Variants in BCR observed in about 807,000 individuals in gnomAD.
The protein encoded by BCR is BCR activator of RhoGEF and GTPase.
In BCR, 58 loss-of-function variants were observed where a neutral mutation model predicts 138.6. The observed-to-expected ratio is 0.42, with a 90% confidence interval of 0.34 to 0.52. The LOEUF is 0.52. Among genes scored for constraint, BCR ranks in the 20% least tolerant of loss-of-function variants. The pLI is 0.06. For missense variants in BCR, 1,599 were observed against 1,727.2 expected (o/e 0.93, Z 1.32); for synonymous variants, 786 against 730.1 (o/e 1.08, Z -1.23).
rs554584604 is a variant in BCR at position 23,224,032 on chromosome 22, A to G, written c.1280-29767A>G. Among the ~76,000 whole-genome samples, 33 of 152,184 alleles carry G rather than the reference A, an allele frequency of 2.2e-4. No individual in the cohort carries two copies. The East Asian group carries it at 5.8e-3, about 27-fold the overall frequency. ...ACCCGCTGGTTTGGAGGGACAGTTTATCTCTCTTTTCCACATGGTCTAAAG... is the reference window on the plus strand; with the variant it reads ...ACCCGCTGGTTTGGAGGGACAGTTTGTCTCTCTTTTCCACATGGTCTAAAG... On this transcript the variant is annotated intron_variant, in intron 1 of 22. Transcript: ENST00000305877.
At chr22:23,246,867 C>G (rs1032071695) in intron 1 of BCR, among the ~76,000 whole-genome samples, 2 of 152,022 alleles carry the variant, frequency 1.3e-5, no homozygotes, top group African/African-American at 4.8e-5. Flanking sequence ...ACCTGAGGTT[C>G]TGCTACGATA....
rs140245584 is a variant in BCR at position 23,292,526 on chromosome 22, C to T, written c.2783-15C>T. 4.6e-3 allele frequency: 7,370 copies of T among 1,598,476 alleles called. 32 individuals are homozygous for T. The highest frequency in any genetic ancestry group is 5.1e-3 in the Non-Finnish European group (5,967 of 1,166,606). On this transcript the variant is annotated splice_polypyrimidine_tract_variant and intron_variant, in intron 14 of 22. Coordinates refer to ENST00000305877, the MANE Select transcript of BCR (RefSeq NM_004327.4). Reference sequence around the variant, plus strand: ...AAAGACCTGTGACCTTCTCCATGTCCACTTCTCCCCACAGATCTGTACTGC... The same window carrying T: ...AAAGACCTGTGACCTTCTCCATGTCTACTTCTCCCCACAGATCTGTACTGC...
intron 2 of BCR, among the ~76,000 whole-genome samples, chr22:23,258,200 C>G (rs946530034): frequency 1.2e-4 from 18 of 152,218 alleles, no homozygotes; most frequent in Non-Finnish European, 2.9e-5. Context: ...GCTGACACCT[C>G]ATGCATACAT....
chr22:23,279,007 C>T (rs1184009549), intron 8 of BCR, among the ~76,000 whole-genome samples: 4 of 152,190 alleles, frequency 2.6e-5, no homozygotes, highest in African/African-American at 9.7e-5. Context: ...AGCGTGGGCA[C>T]GTTGCTTACC....
intron 15 of BCR, among the ~76,000 whole-genome samples, chr22:23,293,289 T>C (rs959510644): frequency 1.3e-5 from 2 of 152,120 alleles, no homozygotes; most frequent in African/African-American, 4.8e-5. Flanking sequence ...AGAGGCCAGC[T>C]GGGCCTGCAG....
rs547948712 is a variant in BCR at position 23,290,165 on chromosome 22, A to G, written c.2708-174A>G. On this transcript the variant is annotated intron_variant, in intron 13 of 22. Coordinates refer to ENST00000305877, the MANE Select transcript of BCR (RefSeq NM_004327.4). ...AAACCAGCTGGATCCTGAGATCCCC[A>G]AGACAGAAATCATGATGAGTATGTT... 3.6e-5 allele frequency: 25 copies of G among 697,198 alleles called. No homozygotes were observed. The East Asian group carries it at 6.0e-4, about 17-fold the overall frequency. 43.2% of individuals were successfully genotyped at this position (697,198 alleles called of 1,614,324 possible).
intron 8 of BCR, among the ~76,000 whole-genome samples, chr22:23,282,776 C>T (rs1314690482): frequency 6.6e-6 from 1 of 152,228 alleles, no homozygotes; most frequent in Admixed American, 6.5e-5. Flanking sequence ...CCTCCCCTGC[C>T]AACCCTTCTG....
intron 1 of BCR, among the ~76,000 whole-genome samples, chr22:23,206,707 C>T (rs2072618647): frequency 6.6e-6 from 1 of 152,152 alleles, no homozygotes; most frequent in South Asian, 2.1e-4. Context: ...AAACTTGCTC[C>T]TCTTATTTCC....
intron 1 of BCR, among the ~76,000 whole-genome samples, chr22:23,206,834 TTATC>T (rs746001180): frequency 2.6e-5 from 4 of 151,974 alleles, no homozygotes; most frequent in East Asian, 1.9e-4. Context: ...ATTTATCTAT[TTATC>T]TATCCACCCA....
rs758007003 is a variant in BCR, at chr22:23,181,622, C to T, written c.662C>T (p.Ser221Leu). 8 of 1,611,492 alleles carry T rather than the reference C, an allele frequency of 5.0e-6. No homozygotes were observed. Among genetic ancestry groups the T allele is most frequent in the South Asian group, 1.1e-5 (1 of 91,084 alleles). Reference sequence around the variant, plus strand: ...AAAAAGTCCCAGCACGGCGCGGGCTCGAGCGTGGGGGATGCATCCAGGCCC... The same window carrying T: ...AAAAAGTCCCAGCACGGCGCGGGCTTGAGCGTGGGGGATGCATCCAGGCCC... ...ERKKSQHGAG[S>L]SVGDASRPPY... is the part of the protein sequence containing the mutation. Residue 221 changes from serine to leucine, a missense_variant, in exon 1 of 23, where the codon TCG (serine) becomes TTG (leucine). Physicochemically the swap from Ser to Leu is moderately radical, Grantham distance 145. Transcript: ENST00000305877.
intron 1 of BCR, among the ~76,000 whole-genome samples, chr22:23,210,341 C>T (rs534466269): frequency 1.9e-4 from 28 of 151,188 alleles, no homozygotes; most frequent in Admixed American, 1.3e-3. Flanking sequence ...AGCTTGAGCC[C>T]GGGAGGTCGA....
chr22:23,316,011 A>ACGGC lies in BCR; in HGVS notation c.*489_*490insCGGC. ...GGGGCCTCTTCCATTTCCCTGACTTAGAAACCACACTCCACTTCTAACAGG... is the reference window on the plus strand; with the variant it reads ...GGGGCCTCTTCCATTTCCCTGACTTACGGCGAAACCACACTCCACTTCTAACAGG... On this transcript the variant is annotated 3_prime_UTR_variant, in exon 23 of 23. Transcript: ENST00000305877. 6.9e-5 allele frequency: 17 copies of ACGGC among 246,592 alleles called. No individual in the cohort carries two copies. The highest frequency in any genetic ancestry group is 2.4e-4 in the South Asian group (4 of 16,394). The allele number at this position is 246,592 out of a possible 1,614,324, so 15.3% of individuals were successfully genotyped here. A position where few individuals can be genotyped will look rare whatever the true frequency, so the allele number is the denominator to read the frequency against.
intron 3 of BCR, 129 bp downstream of exon 3, chr22:23,261,183 A>C (rs2073352081): frequency 8.3e-7 from 1 of 1,206,122 alleles, no homozygotes; most frequent in African/African-American, 1.5e-5. Flanking sequence ...TGGAGTGGAT[A>C]CCAGTGGAAG....
chr22:23,197,292 G>A (rs375587621), intron 1 of BCR, among the ~76,000 whole-genome samples: 19 of 152,258 alleles, frequency 1.2e-4, no homozygotes, highest in African/African-American at 4.3e-4. Flanking sequence ...TGTCGTGTAG[G>A]TTTGTGTAGG....
At chr22:23,243,642 C>G (rs745655402) in intron 1 of BCR, among the ~76,000 whole-genome samples, 1 of 148,664 alleles carries the variant, frequency 6.7e-6, no homozygotes, top group Non-Finnish European at 1.5e-5. Flanking sequence ...GTGAGCTGTT[C>G]TAGCAATTTT....
chr22:23,198,250 T>C, intron 1 of BCR: 1 of 443,484 alleles, frequency 2.3e-6, no homozygotes. Context: ...AGGATTAGGG[T>C]CCGAGTGCTC....
intron 16 of BCR, among the ~76,000 whole-genome samples, chr22:23,307,169 C>T (rs1038114026): frequency 8.5e-5 from 13 of 152,344 alleles, no homozygotes; most frequent in African/African-American, 2.2e-4. Flanking sequence ...GATCATGGCT[C>T]ACAGCAGTCT....
At chr22:23,262,700 CGGGTGAGGG>C in intron 4 of BCR, 4 of 187,522 alleles carry the variant, frequency 2.1e-5, no homozygotes, top group Non-Finnish European at 2.9e-5. Flanking sequence ...ATGGCGGGCC[CGGGTGAGGG>C]CGGGCCCGGG....
chr22:23,290,769 T>G (rs960667301), intron 14 of BCR: 3 of 311,994 alleles, frequency 9.6e-6, no homozygotes, highest in Admixed American at 8.2e-5. Flanking sequence ...GCAGTGCACC[T>G]TCACCCCACA....
Sources: gnomAD v4.1 joint callset for allele counts (sites outside exome capture counted in the v4.1 genomes callset) on GRCh38, gnomAD v4.1.1 for gene constraint, MANE v1.5 for transcripts, NCBI Gene and HGNC (gene_info 2026-07-23, HGNC 2026-07-21) for gene names.